The following CHI3L2 variants were observed in gnomAD, a reference collection of about 807,000 sequenced individuals.
CHI3L2 encodes chitinase 3 like 2, also known as chitinase-3-like protein 2.
CHI3L2 carries 47 observed loss-of-function variants against 47.3 expected under a neutral mutation model. The ratio of observed to expected loss-of-function variants is 0.99; its 90% confidence interval spans 0.79 to 1.27. The LOEUF is 1.27. Among genes scored for constraint, CHI3L2 ranks in the 50% most tolerant of loss-of-function variants. The pLI is 0.00. For synonymous variants in CHI3L2, 198 were observed against 169.9 expected (o/e 1.17, Z -1.28); for missense variants, 497 against 462.1 (o/e 1.08, Z -0.69).
In CHI3L2 at chr1:111,230,890, C is replaced by T. The variant is rs1257080072; in HGVS notation, c.219C>T (p.Ile73=). 2 of 1,614,044 alleles carry T rather than the reference C, an allele frequency of 1.2e-6. No individual in the cohort carries two copies. The highest frequency in any genetic ancestry group is 1.3e-5 in the African/African-American group (1 of 74,910). The change falls in exon 3 of 11, where the codon ATC becomes ATT. Residue 73 remains isoleucine (I), a synonymous_variant. Coordinates refer to ENST00000369748, the MANE Select transcript of CHI3L2 (RefSeq NM_004000.3). ...GCATCGAAAACAACAAGGTTATCAT[C>T]AAGGACAAGAGTGAAGTGATGCTCT... The part of the protein sequence containing the change: ...FASIENNKVI[I]KDKSEVMLYQ...
chr1:111,234,844 A>C, intron 4 of CHI3L2, 63 bp from the exon 5 acceptor site: 1 of 1,496,302 alleles, frequency 6.7e-7, no homozygotes, highest in South Asian at 1.2e-5. Flanking sequence ...TCTGTGAAAA[A>C]TGTGTTACAC....
chr1:111,242,111 A>C, intron 9 of CHI3L2, 116 bp from the exon 10 acceptor site: 2 of 1,340,930 alleles, frequency 1.5e-6, no homozygotes, highest in African/African-American at 1.5e-5. Context: ...AACTCCAGAA[A>C]ACCAGTTAGT....
intron 4 of CHI3L2, among the ~76,000 whole-genome samples, chr1:111,231,947 A>T (rs920883917): frequency 1.3e-5 from 2 of 152,232 alleles, no homozygotes; most frequent in South Asian, 4.1e-4. Context: ...TTCAATCTTC[A>T]GCTACAGTTT....
chr1:111,238,248 T>C (rs1055913119), intron 7 of CHI3L2, among the ~76,000 whole-genome samples: 2 of 152,258 alleles, frequency 1.3e-5, no homozygotes, highest in African/African-American at 4.8e-5. Context: ...AGCTGTGTCA[T>C]GGGCCATTCG....
chr1:111,230,283 T>G (rs1370933652), intron 2 of CHI3L2, among the ~76,000 whole-genome samples: 3 of 152,108 alleles, frequency 2.0e-5, no homozygotes, highest in Non-Finnish European at 4.4e-5. Flanking sequence ...AGACAGGGTC[T>G]CACTGTAAGG....
chr1:111,235,980 C>G (rs758870051), intron 6 of CHI3L2, 44 bp from the exon 7 acceptor site: 14 of 1,608,608 alleles, frequency 8.7e-6, no homozygotes, highest in African/African-American at 5.3e-5. Flanking sequence ...TTGTTTCTAC[C>G]ACTGCTCGTC....
At chr1:111,228,313 G>A (rs754260783) in intron 1 of CHI3L2, among the ~76,000 whole-genome samples, 1 of 152,180 alleles carries the variant, frequency 6.6e-6, no homozygotes, top group Non-Finnish European at 1.5e-5. Context: ...AGTGAACGGG[G>A]GACGTTTACC....
chr1:111,237,683 G>T (rs1208580378), intron 7 of CHI3L2, among the ~76,000 whole-genome samples: 1 of 152,126 alleles, frequency 6.6e-6, no homozygotes, highest in African/African-American at 2.4e-5. Flanking sequence ...GCCAAAATCA[G>T]CCTCTTACCT....
At position 111,234,945 on chromosome 1, in the gene CHI3L2, A is replaced by G; in HGVS notation, c.368A>G (p.Glu123Gly). The G allele has an allele frequency of 6.2e-7, 1 of 1,614,172 alleles. No individual in the cohort carries two copies. Among genetic ancestry groups the G allele is most frequent in the Non-Finnish European group, 8.5e-7 (1 of 1,180,024 alleles). Residue 123 changes from glutamate (E) to glycine (G), a missense_variant, in exon 5 of 11, where the codon GAA (glutamate) becomes GGA (glycine). Glu to Gly is a moderately conservative substitution (Grantham distance 98). Transcript: ENST00000369748. ...GTGGATTCTTCTACATCACGCTTGG[A>G]ATTCATTAACTCCATAATCCTGTTT... Reference protein sequence around the residue: ...PMVDSSTSRLEFINSIILFLR... With the variant: ...PMVDSSTSRLGFINSIILFLR...
chr1:111,236,793 G>T (rs1009261549), intron 7 of CHI3L2, among the ~76,000 whole-genome samples: 3 of 152,208 alleles, frequency 2.0e-5, no homozygotes, highest in Non-Finnish European at 4.4e-5. Context: ...TCAGCTGTAT[G>T]GGAGACTGGA....
chr1:111,236,155 T>G lies in CHI3L2; in HGVS notation c.735+2T>G. On this transcript the variant is annotated splice_donor_variant, in intron 7 of 10. Transcript: ENST00000369748. LOFTEE classifies it high-confidence loss of function. ...GGGCCAAGCTCCTACTACAATGTGGTGAGTAGGCCAGGGGAACCGCAGGGG... is the reference window on the plus strand; with the variant it reads ...GGGCCAAGCTCCTACTACAATGTGGGGAGTAGGCCAGGGGAACCGCAGGGG... The G allele has an allele frequency of 6.2e-7, 1 of 1,613,708 alleles. No homozygotes were observed. The highest frequency in any genetic ancestry group is 8.5e-7 in the Non-Finnish European group (1 of 1,179,892).
chr1:111,241,933 A>G (rs979301110), intron 9 of CHI3L2, among the ~76,000 whole-genome samples: 1 of 152,166 alleles, frequency 6.6e-6, no homozygotes, highest in Non-Finnish European at 1.5e-5. Context: ...AATCCTGGCC[A>G]CTTGTCTTGT....
At chr1:111,235,140 T>C (rs1171260699) in intron 5 of CHI3L2, 83 bp downstream of exon 5, 8 of 1,433,872 alleles carry the variant, frequency 5.6e-6, no homozygotes, top group Non-Finnish European at 7.6e-6. Flanking sequence ...ATGGCCACAT[T>C]GGGAGACAAA....
At position 111,241,368 on chromosome 1, in the gene CHI3L2, G is replaced by A. The variant is rs183432380; in HGVS notation, c.960G>A (p.Gln320=). The change falls in exon 9 of 11, where the codon CAG becomes CAA. Residue 320 remains glutamine (Q), a synonymous_variant. Coordinates refer to ENST00000369748, the MANE Select transcript of CHI3L2 (RefSeq NM_004000.3). ...FLKGAKITRL[Q]DQQVPYAVKG... is the part of the protein sequence containing the mutation. ...AAGGAGCCAAGATCACGCGGCTCCAGGATCAGCAGGTTCCCTACGCAGTCA... is the reference window on the plus strand; with the variant it reads ...AAGGAGCCAAGATCACGCGGCTCCAAGATCAGCAGGTTCCCTACGCAGTCA... 9.0e-5 allele frequency: 144 copies of A among 1,608,680 alleles called. No homozygotes were observed. The African/African-American group carries it at 1.7e-3, about 20-fold the overall frequency.
chr1:111,235,238 C>T (rs1356554647), intron 5 of CHI3L2, among the ~76,000 whole-genome samples, 181 bp downstream of exon 5: 1 of 152,190 alleles, frequency 6.6e-6, no homozygotes, highest in Non-Finnish European at 1.5e-5. Context: ...AAGGCAGTAA[C>T]AACATGAAAC....
chr1:111,242,905 C>T (rs1314375879), intron 10 of CHI3L2, among the ~76,000 whole-genome samples: 1 of 152,204 alleles, frequency 6.6e-6, no homozygotes, highest in African/African-American at 2.4e-5. Context: ...TGCTCCATCC[C>T]TGGGCCCCCA....
At chr1:111,242,597 C>G (rs1288448578) in intron 10 of CHI3L2, 4 of 365,024 alleles carry the variant, frequency 1.1e-5, no homozygotes, top group Non-Finnish European at 1.9e-5. Context: ...ATTTATTGAG[C>G]ATAGTATGAG....
At chr1:111,227,852 C>CT (rs1659571382) in intron 1 of CHI3L2, 83 bp downstream of exon 1, 1 of 1,358,948 alleles carries the variant, frequency 7.4e-7, no homozygotes, top group Admixed American at 1.7e-5. Flanking sequence ...AATCTTCCTC[C>CT]TTTCCTGGGA....
chr1:111,243,167 G>A, intron 10 of CHI3L2, 50 bp from the exon 11 acceptor site: 1 of 456,058 alleles, frequency 2.2e-6, no homozygotes, highest in East Asian at 6.9e-5. Flanking sequence ...CTTGACTTAG[G>A]CCTCAGTTTA....
Sources: allele counts gnomAD v4.1 joint callset (sites outside exome capture counted in the v4.1 genomes callset), GRCh38; gene constraint gnomAD v4.1.1; transcripts MANE v1.5; gene names NCBI Gene and HGNC (gene_info 2026-07-23, HGNC 2026-07-21).